KANSL1L: variants seen among roughly 807,000 people sequenced by gnomAD.
KANSL1L encodes the protein KAT8 regulatory NSL complex subunit 1 like, also known as KAT8 regulatory NSL complex subunit 1-like protein.
In KANSL1L, 25 loss-of-function variants were observed where a neutral mutation model predicts 108.6. The ratio of observed to expected loss-of-function variants is 0.23; its 90% CI spans 0.17 to 0.32. The LOEUF (loss-of-function observed/expected upper bound fraction) is 0.32, where lower values mean the gene tolerates loss of function less well. KANSL1L is among the 10% of genes least tolerant of loss of function. The pLI is 1.00. For synonymous variants in KANSL1L, 405 were observed against 395.1 expected (o/e 1.03, Z -0.30); for missense variants, 1,137 against 1,125.7 (o/e 1.01, Z -0.14).
chr2:210,157,609 T>C (rs541897904), intron 1 of KANSL1L, among the ~76,000 whole-genome samples: 1 of 145,938 alleles, frequency 6.9e-6, no homozygotes, highest in Admixed American at 7.2e-5. Context: ...GAAGATCACT[T>C]GAGCCTGGAC....
intron 10 of KANSL1L, among the ~76,000 whole-genome samples, chr2:210,029,460 AC>A (rs2093984318): frequency 6.7e-6 from 1 of 149,330 alleles, no homozygotes; most frequent in African/African-American, 2.6e-5. Flanking sequence ...TAACAAAAAA[AC>A]AAACAAACAA....
upstream of KANSL1L, among the ~76,000 whole-genome samples, chr2:210,172,428 T>C (rs971477808): frequency 6.6e-6 from 1 of 152,180 alleles, no homozygotes; most frequent in South Asian, 2.1e-4. Flanking sequence ...GGAATTGCAG[T>C]CATAACAAAG....
At chr2:210,160,992 T>C (rs2095358346) in intron 1 of KANSL1L, among the ~76,000 whole-genome samples, 1 of 150,876 alleles carries the variant, frequency 6.6e-6, no homozygotes, top group East Asian at 1.9e-4. Context: ...CCAATTTTTT[T>C]TTTTTTTTTT....
chr2:210,061,775 C>T (rs2094422400), intron 6 of KANSL1L, among the ~76,000 whole-genome samples: 1 of 152,042 alleles, frequency 6.6e-6, no homozygotes, highest in Non-Finnish European at 1.5e-5. Flanking sequence ...CTTAAACAGC[C>T]TTAGAAACTA....
At chr2:210,034,784 A>G (rs1478292185) in intron 8 of KANSL1L, among the ~76,000 whole-genome samples, 5 of 151,826 alleles carry the variant, frequency 3.3e-5, no homozygotes, top group African/African-American at 9.7e-5. Context: ...ACTGAGCTCT[A>G]TGTTTCTGGC....
intron 5 of KANSL1L, among the ~76,000 whole-genome samples, chr2:210,094,057 A>G (rs768162360): frequency 6.6e-6 from 1 of 152,216 alleles, no homozygotes; most frequent in Non-Finnish European, 1.5e-5. Flanking sequence ...GCTGAAAGCA[A>G]GGAAGAATGG....
rs1170924183 is a variant in KANSL1L, at chr2:210,104,425, G to T, written c.1231-124C>A. 7.3e-6 allele frequency: 5 copies of T among 685,422 alleles called. No individual in the cohort carries two copies. In the East Asian group the frequency reaches 8.1e-5, roughly 11 times the overall value. The allele number at this position is 685,422 out of a possible 1,614,324, so 42.5% of individuals were successfully genotyped here. ...CTTGGAATTCAGAAAATATAAACTT[G>T]ATAGTTTAACTCTGTAAAGAACTGG... On this transcript the variant is annotated intron_variant, in intron 3 of 14. Coordinates refer to ENST00000281772, the MANE Select transcript of KANSL1L (RefSeq NM_152519.4).
intron 3 of KANSL1L, among the ~76,000 whole-genome samples, chr2:210,122,534 T>C (rs1482112750): frequency 2.0e-5 from 3 of 151,932 alleles, no homozygotes; most frequent in African/African-American, 4.8e-5. Flanking sequence ...AATCAAAATA[T>C]ATTAAAGACT....
intron 3 of KANSL1L, among the ~76,000 whole-genome samples, chr2:210,113,918 G>A (rs997894134): frequency 6.6e-6 from 1 of 152,098 alleles, no homozygotes; most frequent in African/African-American, 2.4e-5. Flanking sequence ...AAAGAAAAGT[G>A]AACAAAGTCT....
chr2:210,076,450 G>T (rs1215870529), intron 5 of KANSL1L, among the ~76,000 whole-genome samples: 1 of 152,134 alleles, frequency 6.6e-6, no homozygotes, highest in African/African-American at 2.4e-5. Flanking sequence ...GCCTCCCAAA[G>T]TGCTGGGATT....
rs1001511679 is a variant in KANSL1L, at chr2:210,063,978, T to A, written c.1755+11574A>T. ...TGGCTGTGTCCTCACTCAAATCTCA[T>A]CTTGAATTCCCACATGTTGTGGGAG... On this transcript the variant is annotated intron_variant, in intron 6 of 14. Transcript: ENST00000281772. 9.2e-5 allele frequency: 14 copies of A among 152,224 alleles called. No individual in the cohort carries two copies. The East Asian group carries it at 2.7e-3, about 29-fold the overall frequency. 9.4% of individuals were successfully genotyped at this position (152,224 alleles called of 1,614,324 possible). A position where few individuals can be genotyped will look rare whatever the true frequency, so the allele number is the denominator to read the frequency against.
chr2:210,094,944 A>C (rs1211659985), intron 5 of KANSL1L, among the ~76,000 whole-genome samples: 2 of 152,020 alleles, frequency 1.3e-5, no homozygotes, highest in Non-Finnish European at 2.9e-5. Context: ...AATAAGGGAA[A>C]AGGAAAAATG....
At position 210,044,128 on chromosome 2, in the gene KANSL1L, A is replaced by G. The variant is rs368499267; in HGVS notation, c.1756-24T>C. 298 of 1,529,036 alleles carry G rather than the reference A, an allele frequency of 1.9e-4. No homozygotes were observed. The highest frequency in any genetic ancestry group is 2.5e-4 in the Non-Finnish European group (289 of 1,133,510). The allele number at this position is 1,529,036 out of a possible 1,614,324, so 94.7% of individuals were successfully genotyped here. On this transcript the variant is annotated intron_variant, in intron 6 of 14. Coordinates refer to ENST00000281772, the MANE Select transcript of KANSL1L (RefSeq NM_152519.4). The surrounding 1 kb of genome is among the most constrained non-coding windows in gnomAD (Gnocchi z 4.2). ...GTCTGCAAGGAAAAACCGTATTAGA[A>G]TATCACAGCCAAAGCATCCATAAAT...
At chr2:210,043,174 C>T (rs761877877) in intron 7 of KANSL1L, among the ~76,000 whole-genome samples, 7 of 151,900 alleles carry the variant, frequency 4.6e-5, no homozygotes, top group Non-Finnish European at 8.8e-5. Context: ...TCACGTGAGG[C>T]TAGAAGTTCA....
chr2:210,110,115 A>G (rs527488529), intron 3 of KANSL1L, among the ~76,000 whole-genome samples: 61 of 152,148 alleles, frequency 4.0e-4, no homozygotes, highest in Non-Finnish European at 7.1e-4. Flanking sequence ...TTCTCAAAGG[A>G]TATTTCTTTC....
intron 5 of KANSL1L, among the ~76,000 whole-genome samples, chr2:210,094,437 A>C (rs1465400709): frequency 6.6e-6 from 1 of 152,122 alleles, no homozygotes; most frequent in Non-Finnish European, 1.5e-5. Context: ...TGTTTTCTTC[A>C]TATACAACTA....
rs201412618 is a variant in KANSL1L, at chr2:210,027,342, A to G, written c.2405T>C (p.Met802Thr). The G allele has an allele frequency of 8.2e-5, 132 of 1,612,124 alleles. No homozygotes were observed. Among genetic ancestry groups the G allele is most frequent in the Non-Finnish European group, 1.0e-4 (123 of 1,178,494 alleles). The change falls in exon 12 of 15, where the codon ATG becomes ACG. Residue 802 changes from methionine (M) to threonine (T), a missense_variant. By Grantham distance (81) the Met-to-Thr change is moderately conservative. This residue lies in a region of KANSL1L where 575 missense variants were observed against 567.1 expected (regional missense o/e 1.01). Coordinates refer to ENST00000281772, the MANE Select transcript of KANSL1L (RefSeq NM_152519.4). Reference sequence around the variant, plus strand: ...TTCATCCAAAGGCTGAAGAACAACCATCCTCCAGCTGTTGAAGATAAAAAC... The same window carrying G: ...TTCATCCAAAGGCTGAAGAACAACCGTCCTCCAGCTGTTGAAGATAAAAAC... ...YKEILTPSWR[M>T]VVLQPLDEYN...
chr2:210,034,654 A>G (rs746123273), intron 8 of KANSL1L, among the ~76,000 whole-genome samples: 4 of 152,244 alleles, frequency 2.6e-5, no homozygotes, highest in Non-Finnish European at 5.9e-5. Flanking sequence ...CAGTATAGAT[A>G]AGAGATCATG....
intron 1 of KANSL1L, among the ~76,000 whole-genome samples, chr2:210,165,202 C>CA (rs1195857585): frequency 1.3e-5 from 2 of 149,198 alleles, no homozygotes; most frequent in East Asian, 2.0e-4. Flanking sequence ...AAACAAAAAA[C>CA]AAAAAAAATT....
Sources: allele counts gnomAD v4.1 joint callset (sites outside exome capture counted in the v4.1 genomes callset), GRCh38; gene constraint gnomAD v4.1.1; regional missense constraint gnomAD v4.1.1; non-coding constraint Gnocchi (gnomAD v3.1); transcripts MANE v1.5; gene names NCBI Gene and HGNC (gene_info 2026-07-23, HGNC 2026-07-21).